The following PLIN2 variants were observed in gnomAD, a reference collection of about 807,000 sequenced individuals.
PLIN2 encodes perilipin-2.
In PLIN2, 33 loss-of-function variants were observed where a neutral mutation model predicts 30.6. The ratio of observed to expected loss-of-function variants is 1.08; its 90% CI spans 0.82 to 1.44. PLIN2 has a LOEUF of 1.44. Ranked by LOEUF, PLIN2 falls within the 40% of genes most tolerant of loss-of-function variation. PLIN2 has a pLI of 0.00. For synonymous variants in PLIN2, 205 were observed against 201.1 expected (o/e 1.02, Z -0.16); for missense variants, 610 against 531.8 (o/e 1.15, Z -1.45).
chr9:19,118,296 C>A (rs887565218), intron 7 of PLIN2, 25 bp downstream of exon 7: 2 of 1,575,748 alleles, frequency 1.3e-6, no homozygotes, highest in Non-Finnish European at 1.7e-6. Flanking sequence ...CAGCAACCAA[C>A]AAATGACCGT....
At chr9:19,109,768 C>CAACATGGTGA (rs1818135580) in intron 2 of PLIN2, among the ~76,000 whole-genome samples, 1 of 151,442 alleles carries the variant, frequency 6.6e-6, no homozygotes, top group African/African-American at 2.4e-5. Flanking sequence ...CCAGCCTGGC[C>CAACATGGTGA]AACATGGTGA....
In PLIN2 at chr9:19,126,254, AT is replaced by A; in HGVS notation, c.85del (p.Met29CysfsTer15). On this transcript the variant is annotated frameshift_variant, in exon 3 of 8. Coordinates refer to ENST00000276914, the MANE Select transcript of PLIN2 (RefSeq NM_001122.4). LOFTEE classifies it high-confidence loss of function. The part of the protein sequence containing the change: ...LPLVSSTYDL[M>X]SSAYLSTKDQ... ...CTTTGTACTGAGATAGGCTGAGGACATGAGGTCATACGTGGAGCTCACCAAG... is the reference window on the plus strand; with the variant it reads ...CTTTGTACTGAGATAGGCTGAGGACAGAGGTCATACGTGGAGCTCACCAAG... 1 of 1,614,214 alleles carries A rather than the reference AT, an allele frequency of 6.2e-7. No homozygotes were observed. The highest frequency in any genetic ancestry group is 8.5e-7 in the Non-Finnish European group (1 of 1,180,026).
chr9:19,109,253 G>C (rs548177626), intron 2 of PLIN2, among the ~76,000 whole-genome samples: 1 of 152,096 alleles, frequency 6.6e-6, no homozygotes, highest in East Asian at 1.9e-4. Context: ...GCAAACAACA[G>C]ATTAAAACAA....
intron 7 of PLIN2, 117 bp from the exon 8 acceptor site, chr9:19,116,766 T>C: frequency 1.3e-6 from 1 of 786,496 alleles, no homozygotes; most frequent in South Asian, 1.8e-5. Flanking sequence ...CTTTTAAAAA[T>C]CCTCATTACA....
chr9:19,116,326 A>G lies in PLIN2; in HGVS notation c.1236T>C (p.Ser412=), dbSNP rs1338839009. ...CTGCACCTTGGTCCTGAGCATTCTG[A>G]GACTCAGTCAGCTGAGGATAAAAGG... is the stretch of plus-strand genomic sequence containing the variant. ...VGPFYPQLTE[S]QNAQDQGAEM... Residue 412 remains serine, a synonymous_variant, in exon 8 of 8, where the codon TCT becomes TCC. Transcript: ENST00000276914. The G allele has an allele frequency of 4.3e-6, 7 of 1,614,066 alleles. No individual in the cohort carries two copies. Among genetic ancestry groups the G allele is most frequent in the Non-Finnish European group, 5.1e-6 (6 of 1,180,026 alleles).
At chr9:19,121,945 C>A (rs1818324524) in intron 4 of PLIN2, among the ~76,000 whole-genome samples, 1 of 151,378 alleles carries the variant, frequency 6.6e-6, no homozygotes, top group Admixed American at 6.6e-5. Context: ...AACAAACAAA[C>A]AATGACAAAA....
downstream of PLIN2, among the ~76,000 whole-genome samples, chr9:19,110,811 C>T (rs1185952649): frequency 6.6e-6 from 1 of 152,150 alleles, no homozygotes; most frequent in Non-Finnish European, 1.5e-5. Flanking sequence ...TCTCAAATGG[C>T]ACTTTCATAA....
At chr9:19,124,097 G>A (rs1424219466) in intron 3 of PLIN2, among the ~76,000 whole-genome samples, 1 of 151,862 alleles carries the variant, frequency 6.6e-6, no homozygotes, top group East Asian at 1.9e-4. Flanking sequence ...GACAGGAAGA[G>A]GCCTGGCAAG....
downstream of PLIN2, among the ~76,000 whole-genome samples, chr9:19,112,142 T>G (rs1455795143): frequency 6.6e-6 from 1 of 152,188 alleles, no homozygotes; most frequent in East Asian, 1.9e-4. Context: ...GCTCAGAGAT[T>G]AATGGCCAAT....
In PLIN2 at chr9:19,123,680, T is replaced by C. The variant is rs776198150; in HGVS notation, c.227-33A>G. The C allele has an allele frequency of 7.1e-6, 11 of 1,551,214 alleles. No homozygotes were observed. The African/African-American group carries it at 1.5e-4, about 21-fold the overall frequency. On this transcript the variant is annotated intron_variant, in intron 3 of 7. Transcript: ENST00000276914. ...CACAAATGGGAAAATGTTAATGTAG[T>C]ACTATAGGTATAGAATGAACACACA...
chr9:19,126,437 G>A lies in PLIN2; in HGVS notation c.-11C>T. ...TGCAACGGATGCCATTTTTCTTCCT[G>A]GAGAAAGAAATCTGCAGAAAAGAGA... On this transcript the variant is annotated 5_prime_UTR_variant, in exon 2 of 8. Transcript: ENST00000276914. 1 of 1,608,100 alleles carries A rather than the reference G, an allele frequency of 6.2e-7. No homozygotes were observed. The highest frequency in any genetic ancestry group is 8.5e-7 in the Non-Finnish European group (1 of 1,175,256).
rs1243995472 is a variant in PLIN2 at position 19,116,125 on chromosome 9, A to G, written c.*123T>C. 1.2e-6 allele frequency: 1 copy of G among 839,120 alleles called. No homozygotes were observed. The highest frequency in any genetic ancestry group is 2.7e-5 in the Admixed American group (1 of 36,480). 52.0% of individuals were successfully genotyped at this position (839,120 alleles called of 1,614,324 possible). A position where few individuals can be genotyped will look rare whatever the true frequency, so the allele number is the denominator to read the frequency against. ...GCTCTTAATTCAGCTGGAAACAACTACAATTGAGGGCCTTTATACTAGCTA... is the reference window on the plus strand; with the variant it reads ...GCTCTTAATTCAGCTGGAAACAACTGCAATTGAGGGCCTTTATACTAGCTA... On this transcript the variant is annotated 3_prime_UTR_variant, in exon 8 of 8. Transcript: ENST00000276914.
chr9:19,127,140 A>C lies in PLIN2; in HGVS notation c.-23+279T>G, dbSNP rs571560140. On this transcript the variant is annotated intron_variant, in intron 1 of 7. Transcript: ENST00000276914. The surrounding 1 kb of genome is among the most constrained non-coding windows in gnomAD (Gnocchi z 4.3). ...ACCCAAGCAGGCCAAGGGACATTCG[A>C]TAGCAATCGCCCTAAATCTGTTGGC... Among the ~76,000 whole-genome samples, 51 of 152,348 alleles carry C rather than the reference A, an allele frequency of 3.3e-4. No individual in the cohort carries two copies. The highest frequency in any genetic ancestry group is 1.2e-3 in the African/African-American group (51 of 41,584).
At chr9:19,117,578 C>A (rs983989574) in intron 7 of PLIN2, among the ~76,000 whole-genome samples, 1 of 151,928 alleles carries the variant, frequency 6.6e-6, no homozygotes, top group Non-Finnish European at 1.5e-5. Flanking sequence ...GACTCAACTA[C>A]CCCCACTCCA....
intron 6 of PLIN2, 72 bp downstream of exon 6, chr9:19,119,578 G>T: frequency 1.1e-6 from 1 of 883,150 alleles, no homozygotes. Context: ...TGGATTTTGT[G>T]ATTACATTTA....
chr9:19,110,474 GT>G (rs145690436), intron 2 of PLIN2, among the ~76,000 whole-genome samples: 1 of 140,062 alleles, frequency 7.1e-6, no homozygotes, highest in South Asian at 2.2e-4. Flanking sequence ...ATTTCGTTTT[GT>G]TTTGTTTGTT....
Position 19,115,971 on chromosome 9 carries a change from A to C in PLIN2, c.*277T>G. The C allele has an allele frequency of 3.5e-6, 1 of 287,490 alleles. No homozygotes were observed. Among genetic ancestry groups the C allele is most frequent in the Non-Finnish European group, 6.5e-6 (1 of 154,608 alleles). 17.8% of individuals were successfully genotyped at this position (287,490 alleles called of 1,614,324 possible). A position where few individuals can be genotyped will look rare whatever the true frequency, so the allele number is the denominator to read the frequency against. On this transcript the variant is annotated 3_prime_UTR_variant, in exon 8 of 8. Coordinates refer to ENST00000276914, the MANE Select transcript of PLIN2 (RefSeq NM_001122.4). ...ATACAAACAGTAACAGAGGCAACAC[A>C]ATGGCCATAGAATGAGAACATAAGT...
At chr9:19,117,898 T>C (rs1024886611) in intron 7 of PLIN2, among the ~76,000 whole-genome samples, 1 of 152,242 alleles carries the variant, frequency 6.6e-6, no homozygotes, top group African/African-American at 2.4e-5. Context: ...ATTACAGGCG[T>C]GAGCCATCGC....
chr9:19,126,551 G>A (rs990890510), intron 1 of PLIN2, 103 bp from the exon 2 acceptor site: 2 of 763,856 alleles, frequency 2.6e-6, no homozygotes, highest in Non-Finnish European at 4.5e-6. Flanking sequence ...AATGCAGGGT[G>A]AGCTCCCTGT....
Sources: gnomAD v4.1 joint callset for allele counts (sites outside exome capture counted in the v4.1 genomes callset) on GRCh38, gnomAD v4.1.1 for gene constraint, Gnocchi (gnomAD v3.1) non-coding constraint, MANE v1.5 for transcripts, NCBI Gene and HGNC (gene_info 2026-07-23, HGNC 2026-07-21) for gene names.